The following NWD1 variants were observed in gnomAD, a reference collection of about 807,000 sequenced individuals.
NWD1 encodes the protein NACHT and WD repeat domain containing 1.
Under a neutral mutation model 135.1 loss-of-function variants are expected in NWD1, and 129 were observed. The observed-to-expected ratio is 0.96, with a 90% confidence interval of 0.83 to 1.11. NWD1 has a LOEUF of 1.11. Ranked by LOEUF, NWD1 falls within the 50% of genes least tolerant of loss-of-function variation. The pLI is 0.00. For missense variants in NWD1, 1,740 were observed against 1,851.3 expected (o/e 0.94, Z 1.10); for synonymous variants, 773 against 786.0 (o/e 0.98, Z 0.28).
intron 12 of NWD1, among the ~76,000 whole-genome samples, chr19:16,788,460 A>G (rs979678267): frequency 1.3e-5 from 2 of 149,584 alleles, no homozygotes; most frequent in South Asian, 2.1e-4. Context: ...TCCCAGCTAC[A>G]TGGGAGGCTG....
chr19:16,734,165 C>A (rs1429465366), intron 3 of NWD1, among the ~76,000 whole-genome samples: 27 of 152,120 alleles, frequency 1.8e-4, no homozygotes, highest in Non-Finnish European at 2.2e-4. Flanking sequence ...AACTAAACAC[C>A]CTCCTTTGCA....
At chr19:16,763,778 T>G (rs1461192331) in intron 8 of NWD1, 50 bp from the exon 9 acceptor site, 2 of 1,140,672 alleles carry the variant, frequency 1.8e-6, no homozygotes, top group Admixed American at 1.7e-5. Flanking sequence ...GTGCGTGGAG[T>G]GAATGAATGG....
At position 16,748,433 on chromosome 19, in the gene NWD1, C is replaced by T. The variant is rs533409142; in HGVS notation, c.497-706C>T. On this transcript the variant is annotated intron_variant, in intron 5 of 18. Transcript: ENST00000524140. ...GGAATTGCTGGGCGTGATAGTAACTCCATGTTTCACTTTTTGAGGATGACA... is the reference window on the plus strand; with the variant it reads ...GGAATTGCTGGGCGTGATAGTAACTTCATGTTTCACTTTTTGAGGATGACA... Among the ~76,000 whole-genome samples the T allele has an allele frequency of 1.2e-4, 19 of 152,264 alleles. No homozygotes were observed. In the East Asian group the frequency reaches 2.7e-3, roughly 22 times the overall value.
At chr19:16,772,217 T>C (rs1036973535) in intron 10 of NWD1, among the ~76,000 whole-genome samples, 3 of 152,016 alleles carry the variant, frequency 2.0e-5, no homozygotes, top group South Asian at 2.1e-4. Flanking sequence ...AATAAAAAAC[T>C]AACGAGGCGT....
At chr19:16,784,641 G>A (rs1185533718) in intron 12 of NWD1, among the ~76,000 whole-genome samples, 1 of 151,862 alleles carries the variant, frequency 6.6e-6, no homozygotes, top group Non-Finnish European at 1.5e-5. Context: ...AAATAAAAAG[G>A]AGCAGTCGGC....
chr19:16,748,548 C>T (rs567966112), intron 5 of NWD1, among the ~76,000 whole-genome samples: 9 of 151,582 alleles, frequency 5.9e-5, no homozygotes, highest in Middle Eastern at 3.4e-3. Flanking sequence ...TAAATCAGGC[C>T]GGGCGCAGTG....
chr19:16,810,604 GA>G (rs900083743), intron 18 of NWD1, among the ~76,000 whole-genome samples: 7 of 151,168 alleles, frequency 4.6e-5, no homozygotes, highest in African/African-American at 7.3e-5. Flanking sequence ...CCCATCTCTA[GA>G]AAAAAAAATT....
chr19:16,814,077 C>T (rs902352499), intron 18 of NWD1, among the ~76,000 whole-genome samples: 4 of 151,936 alleles, frequency 2.6e-5, no homozygotes, highest in East Asian at 1.9e-4. Context: ...CATGGGAGGT[C>T]GAGGTGTGGG....
At chr19:16,759,133 G>A in intron 6 of NWD1, 92 bp from the exon 7 acceptor site, 1 of 1,020,250 alleles carries the variant, frequency 9.8e-7, no homozygotes, top group Non-Finnish European at 1.5e-6. Flanking sequence ...ACACCGCGCG[G>A]GTGGCTGTAT....
intron 15 of NWD1, among the ~76,000 whole-genome samples, chr19:16,794,933 C>T (rs778443869): frequency 5.3e-5 from 8 of 152,112 alleles, no homozygotes; most frequent in Non-Finnish European, 1.0e-4. Flanking sequence ...AGGCACACAC[C>T]ACCACACCCA....
Position 16,756,251 on chromosome 19 carries a change from C to A in NWD1, c.1770-2974C>A, listed in dbSNP as rs60550338. Among the ~76,000 whole-genome samples, 912 of 151,568 alleles carry A rather than the reference C, an allele frequency of 6.0e-3. 12 individuals are homozygous for A. The highest frequency in any genetic ancestry group is 0.021 in the African/African-American group (864 of 41,298). ...TGGGTGACAGAGCAAGACTCTGCCTCAAAAAAATAGAAAATAATAAGGAAG... is the reference window on the plus strand; with the variant it reads ...TGGGTGACAGAGCAAGACTCTGCCTAAAAAAAATAGAAAATAATAAGGAAG... On this transcript the variant is annotated intron_variant, in intron 6 of 18. Coordinates refer to ENST00000524140, the MANE Select transcript of NWD1 (RefSeq NM_001007525.5).
chr19:16,801,972 A>G (rs1479086047), intron 17 of NWD1, among the ~76,000 whole-genome samples: 1 of 151,928 alleles, frequency 6.6e-6, no homozygotes, highest in Non-Finnish European at 1.5e-5. Flanking sequence ...CCTGGGCAAC[A>G]TGGACCTTGT....
chr19:16,773,543 C>G (rs142424031), intron 11 of NWD1, among the ~76,000 whole-genome samples: 2 of 152,046 alleles, frequency 1.3e-5, no homozygotes, highest in African/African-American at 4.8e-5. Context: ...CTAATGAGCC[C>G]GATGCTAGGG....
At chr19:16,769,783 C>T (rs1307565931) in intron 10 of NWD1, among the ~76,000 whole-genome samples, 1 of 152,222 alleles carries the variant, frequency 6.6e-6, no homozygotes, top group African/African-American at 2.4e-5. Flanking sequence ...CTCCCCGATC[C>T]TTGCCTCTGA....
chr19:16,814,785 A>C (rs555234311), intron 18 of NWD1, among the ~76,000 whole-genome samples: 1 of 152,168 alleles, frequency 6.6e-6, no homozygotes, highest in South Asian at 2.1e-4. Context: ...AAAAACCTAC[A>C]CTAAGCACAT....
At chr19:16,740,543 G>T (rs1002198513) in intron 4 of NWD1, among the ~76,000 whole-genome samples, 3 of 151,524 alleles carry the variant, frequency 2.0e-5, no homozygotes, top group African/African-American at 7.3e-5. Context: ...TCGCCATGTT[G>T]GCCAGGCTGC....
At chr19:16,785,742 A>T (rs1416206427) in intron 12 of NWD1, among the ~76,000 whole-genome samples, 4 of 148,722 alleles carry the variant, frequency 2.7e-5, no homozygotes, top group Non-Finnish European at 5.9e-5. Flanking sequence ...ATATACATAC[A>T]TGAAAGTATA....
intron 13 of NWD1, among the ~76,000 whole-genome samples, chr19:16,790,407 A>G (rs2123048305): frequency 6.6e-6 from 1 of 151,998 alleles, no homozygotes; most frequent in East Asian, 1.9e-4. Flanking sequence ...CATATAAATC[A>G]TGCTGCCCAA....
intron 4 of NWD1, among the ~76,000 whole-genome samples, 153 bp downstream of exon 4, chr19:16,736,903 C>A (rs1179191992): frequency 6.6e-6 from 1 of 152,180 alleles, no homozygotes; most frequent in Non-Finnish European, 1.5e-5. Flanking sequence ...ACTAATCAAT[C>A]ACAGAACTCT....
Sources: allele counts gnomAD v4.1 joint callset (sites outside exome capture counted in the v4.1 genomes callset), GRCh38; gene constraint gnomAD v4.1.1; transcripts MANE v1.5; gene names NCBI Gene and HGNC (gene_info 2026-07-23, HGNC 2026-07-21).